COL21A1: variants seen among roughly 807,000 people sequenced by gnomAD.
COL21A1 encodes the protein collagen type XXI alpha 1 chain.
COL21A1 carries 149 observed loss-of-function variants against 137.9 expected under a neutral mutation model. The observed-to-expected ratio is 1.08, with a 90% CI of 0.95 to 1.24. The LOEUF (loss-of-function observed/expected upper bound fraction) is 1.24, where lower values mean the gene tolerates loss of function less well. Among genes scored for constraint, COL21A1 ranks in the 50% most tolerant of loss-of-function variants. COL21A1 has a pLI of 0.00. For synonymous variants in COL21A1, 456 were observed against 391.5 expected, an observed-to-expected ratio of 1.16 and a Z score of -1.95; for missense variants, 1,167 against 1,158.4, an observed-to-expected ratio of 1.01 and a Z score of -0.11.
At chr6:56,098,184 A>G (rs186357912) in intron 17 of COL21A1, among the ~76,000 whole-genome samples, 7 of 7,820 alleles carry the variant, frequency 9.0e-4, no homozygotes, top group Middle Eastern at 0.12. Flanking sequence ...TATATAAATA[A>G]ATATATAAAT....
At position 56,124,293 on chromosome 6, in the gene COL21A1, C is replaced by G; in HGVS notation, c.1651-1G>C. The stretch of plus-strand genomic sequence containing the variant: ...CATTCCCCTTTTCACCTTTTGCACC[C>G]TGTATCGAAAACAAACACTTAAAAC... On this transcript the variant is annotated splice_acceptor_variant, in intron 14 of 29. Transcript: ENST00000244728. LOFTEE classifies it high-confidence loss of function. The G allele has an allele frequency of 6.2e-7, 1 of 1,600,062 alleles. No individual in the cohort carries two copies. Among genetic ancestry groups the G allele is most frequent in the Non-Finnish European group, 8.5e-7 (1 of 1,172,734 alleles).
At chr6:56,207,456 G>A (rs1215293689) in intron 1 of COL21A1, among the ~76,000 whole-genome samples, 1 of 152,052 alleles carries the variant, frequency 6.6e-6, no homozygotes, top group East Asian at 1.9e-4. Flanking sequence ...TAAATACCTG[G>A]CCACTAACAC....
intron 16 of COL21A1, among the ~76,000 whole-genome samples, chr6:56,119,328 G>C (rs1447869404): frequency 6.6e-6 from 1 of 151,870 alleles, no homozygotes; most frequent in African/African-American, 2.4e-5. Flanking sequence ...ATTTACAATA[G>C]TCACAAATAA....
chr6:56,372,448 T>G (rs1463405754), intron 1 of COL21A1, among the ~76,000 whole-genome samples: 2 of 152,124 alleles, frequency 1.3e-5, no homozygotes, highest in East Asian at 3.8e-4. Context: ...TGTCAACGCA[T>G]CAAGAGTATT....
At chr6:56,084,485 G>A (rs1582284179) in intron 17 of COL21A1, among the ~76,000 whole-genome samples, 2 of 151,992 alleles carry the variant, frequency 1.3e-5, no homozygotes, top group East Asian at 3.9e-4. Flanking sequence ...ATTTGGGTAA[G>A]TGAAAGCAGA....
At chr6:56,104,639 T>C (rs1280731360) in intron 16 of COL21A1, among the ~76,000 whole-genome samples, 4 of 152,184 alleles carry the variant, frequency 2.6e-5, no homozygotes, top group African/African-American at 9.6e-5. Flanking sequence ...TTTATTGTTT[T>C]TCTATTCTGT....
chr6:56,314,627 T>C (rs1015449855), intron 1 of COL21A1, among the ~76,000 whole-genome samples: 1 of 152,196 alleles, frequency 6.6e-6, no homozygotes, highest in African/African-American at 2.4e-5. Context: ...ATTCCATTCC[T>C]AACATTATAT....
intron 1 of COL21A1, among the ~76,000 whole-genome samples, chr6:56,358,894 C>A (rs1765899518): frequency 6.6e-6 from 1 of 151,942 alleles, no homozygotes; most frequent in Non-Finnish European, 1.5e-5. Context: ...TTTGTCTTAT[C>A]CAACAGTATA....
chr6:56,233,909 G>A lies in COL21A1; in HGVS notation c.-39+13478C>T, dbSNP rs140474460. On this transcript the variant is annotated intron_variant, in intron 1 of 29. Transcript: ENST00000244728. The stretch of plus-strand genomic sequence containing the variant: ...AGTGAAGCTAAAAAACAATGAGGGG[G>A]TAATTGATACCAATCAGCCATTAAT... Among the ~76,000 whole-genome samples, 492 of 151,842 alleles carry A rather than the reference G, an allele frequency of 3.2e-3. 1 individual carries two copies. The highest frequency in any genetic ancestry group is 0.01 in the Middle Eastern group (3 of 294).
chr6:56,236,830 C>T (rs1031123381), intron 1 of COL21A1, among the ~76,000 whole-genome samples: 12 of 151,986 alleles, frequency 7.9e-5, no homozygotes, highest in African/African-American at 2.4e-4. Context: ...CTCTTGTTCT[C>T]ATATGGCATA....
At chr6:56,180,703 G>T (rs1332487106) in intron 2 of COL21A1, among the ~76,000 whole-genome samples, 1 of 152,132 alleles carries the variant, frequency 6.6e-6, no homozygotes, top group Non-Finnish European at 1.5e-5. Context: ...GACTTCCCCT[G>T]TTACAAATGC....
intron 1 of COL21A1, among the ~76,000 whole-genome samples, chr6:56,260,461 C>T (rs1023947273): frequency 6.6e-6 from 1 of 151,352 alleles, no homozygotes; most frequent in Non-Finnish European, 1.5e-5. Context: ...GTAATCCCAG[C>T]TATTTGGGAG....
At chr6:56,071,439 G>C (rs970585028) in intron 20 of COL21A1, among the ~76,000 whole-genome samples, 1 of 151,518 alleles carries the variant, frequency 6.6e-6, no homozygotes, top group African/African-American at 2.4e-5. Flanking sequence ...TGTAGTTCTG[G>C]TTTTCAAATA....
chr6:56,240,813 T>C (rs1241144408), intron 1 of COL21A1, among the ~76,000 whole-genome samples: 1 of 152,216 alleles, frequency 6.6e-6, no homozygotes, highest in African/African-American at 2.4e-5. Context: ...TCTTGGCCTT[T>C]ATTTAGTATT....
At chr6:56,234,115 A>G (rs1041824368) in intron 1 of COL21A1, among the ~76,000 whole-genome samples, 3 of 151,798 alleles carry the variant, frequency 2.0e-5, no homozygotes, top group African/African-American at 7.2e-5. Context: ...ACATAAGTAA[A>G]CTTCAAGGAA....
chr6:56,307,365 C>T (rs1204989309), intron 1 of COL21A1, among the ~76,000 whole-genome samples: 1 of 152,244 alleles, frequency 6.6e-6, no homozygotes, highest in African/African-American at 2.4e-5. Context: ...CTGCAGTGGG[C>T]TCCACCCAGT....
At chr6:56,098,730 T>TATAAATACA (rs1770123496) in intron 17 of COL21A1, among the ~76,000 whole-genome samples, 1 of 108,732 alleles carries the variant, frequency 9.2e-6, no homozygotes, top group Non-Finnish European at 1.8e-5. Context: ...TATATATATA[T>TATAAATACA]TTTGAGACGG....
chr6:56,299,518 T>A (rs1289045388), intron 1 of COL21A1, among the ~76,000 whole-genome samples: 1 of 152,118 alleles, frequency 6.6e-6, no homozygotes, highest in Non-Finnish European at 1.5e-5. Context: ...ACCACCTTAA[T>A]AATGTGCACT....
chr6:56,165,856 T>A (rs935656879), intron 7 of COL21A1, among the ~76,000 whole-genome samples: 1 of 151,582 alleles, frequency 6.6e-6, no homozygotes, highest in Non-Finnish European at 1.5e-5. Context: ...TCTACCATAT[T>A]TCCACTAGCA....
Sources: allele counts gnomAD v4.1 joint callset (sites outside exome capture counted in the v4.1 genomes callset), GRCh38; gene constraint gnomAD v4.1.1; transcripts MANE v1.5; gene names NCBI Gene and HGNC (gene_info 2026-07-23, HGNC 2026-07-21).